TAFA5: variants seen among roughly 807,000 people sequenced by gnomAD.
TAFA5 encodes the protein TAFA chemokine like family member 5.
TAFA5 carries 6 observed loss-of-function variants against 15.3 expected under a neutral mutation model. That is an observed-to-expected ratio of 0.39 (90% confidence interval 0.21 to 0.77). The LOEUF is 0.77. Ranked by LOEUF, TAFA5 falls within the 30% of genes least tolerant of loss-of-function variation. The pLI is 0.41. For synonymous variants in TAFA5, 103 were observed against 80.7 expected (o/e 1.28, Z -1.48); for missense variants, 161 against 193.1 (o/e 0.83, Z 0.98).
chr22:48,737,517 C>G (rs1601708004), intron 3 of TAFA5, among the ~76,000 whole-genome samples: 2 of 152,274 alleles, frequency 1.3e-5, no homozygotes, highest in South Asian at 4.1e-4. Flanking sequence ...CTGATGCCAG[C>G]CGGGGTCTTC....
chr22:48,711,515 A>G (rs543557607), intron 3 of TAFA5, among the ~76,000 whole-genome samples: 1 of 152,182 alleles, frequency 6.6e-6, no homozygotes, highest in South Asian at 2.1e-4. Context: ...CTGTGTTCAA[A>G]GCTTTCTGAA....
chr22:48,495,733 C>T (rs1928302550), intron 1 of TAFA5, among the ~76,000 whole-genome samples: 1 of 152,226 alleles, frequency 6.6e-6, no homozygotes, highest in South Asian at 2.1e-4. Flanking sequence ...TCAGTGGCTT[C>T]TCCGCCTCCA....
intron 1 of TAFA5, among the ~76,000 whole-genome samples, chr22:48,504,725 G>A (rs1601837854): frequency 6.6e-6 from 1 of 152,228 alleles, no homozygotes; most frequent in Non-Finnish European, 1.5e-5. Flanking sequence ...CAGAAAATGA[G>A]TCAAGGTTGT....
chr22:48,634,109 T>TTCACTCAC (rs575047019), intron 1 of TAFA5, among the ~76,000 whole-genome samples: 4 of 104,294 alleles, frequency 3.8e-5, no homozygotes, highest in African/African-American at 1.6e-4. Context: ...TTCCTTGACG[T>TTCACTCAC]TCACTCACTC....
intron 1 of TAFA5, among the ~76,000 whole-genome samples, chr22:48,594,952 A>G (rs1196584312): frequency 6.6e-6 from 1 of 151,122 alleles, no homozygotes; most frequent in East Asian, 2.0e-4. Context: ...TCGGCTGAGC[A>G]GGGTGCCTGT....
chr22:48,600,073 C>G (rs944572327), intron 1 of TAFA5, among the ~76,000 whole-genome samples: 3 of 152,180 alleles, frequency 2.0e-5, no homozygotes, highest in Non-Finnish European at 2.9e-5. Flanking sequence ...CCTTGAGATT[C>G]CAGTCAAAAT....
intron 1 of TAFA5, among the ~76,000 whole-genome samples, chr22:48,596,783 C>A (rs1474890087): frequency 6.6e-6 from 1 of 152,030 alleles, no homozygotes; most frequent in African/African-American, 2.4e-5. Flanking sequence ...TAGGGCTCCT[C>A]TGTGCTGGAT....
chr22:48,657,695 C>A (rs116767599), intron 2 of TAFA5, among the ~76,000 whole-genome samples: 36 of 152,320 alleles, frequency 2.4e-4, no homozygotes, highest in African/African-American at 8.4e-4. Context: ...ACAGTGACAT[C>A]CATGCCTGCA....
At chr22:48,595,430 T>A (rs1169716814) in intron 1 of TAFA5, among the ~76,000 whole-genome samples, 1 of 152,224 alleles carries the variant, frequency 6.6e-6, no homozygotes, top group Admixed American at 6.5e-5. Context: ...CGTTATCCTG[T>A]GGAAGAGGTC....
At chr22:48,536,498 T>C (rs1016976447) in intron 1 of TAFA5, among the ~76,000 whole-genome samples, 4 of 152,190 alleles carry the variant, frequency 2.6e-5, no homozygotes, top group African/African-American at 9.6e-5. Context: ...GGCTCAGGCG[T>C]GCGCCGTGGC....
chr22:48,607,874 A>G (rs1435985212), intron 1 of TAFA5, among the ~76,000 whole-genome samples: 5 of 152,038 alleles, frequency 3.3e-5, no homozygotes, highest in Non-Finnish European at 7.4e-5. Context: ...CCCTTTTCTG[A>G]CCACCCTGGG....
intron 2 of TAFA5, among the ~76,000 whole-genome samples, chr22:48,660,376 G>C (rs1927394276): frequency 6.6e-6 from 1 of 152,222 alleles, no homozygotes; most frequent in South Asian, 2.1e-4. Flanking sequence ...CACATCTCGA[G>C]TATGTTTGTG....
intron 1 of TAFA5, chr22:48,544,849 G>A: frequency 2.1e-6 from 1 of 471,246 alleles, no homozygotes; most frequent in Non-Finnish European, 4.4e-6. Flanking sequence ...TCTGAGGTGA[G>A]AGAGCCCTGA....
At chr22:48,716,862 C>G (rs2147257747) in intron 3 of TAFA5, among the ~76,000 whole-genome samples, 1 of 152,154 alleles carries the variant, frequency 6.6e-6, no homozygotes, top group East Asian at 1.9e-4. Flanking sequence ...AGACATAAAA[C>G]TGAGGCAATC....
intron 1 of TAFA5, chr22:48,543,462 C>G (rs1655493615): frequency 1.3e-5 from 2 of 152,210 alleles, no homozygotes; most frequent in African/African-American, 4.8e-5. Context: ...GAGAGCCTCC[C>G]TGCTGGTCTG....
intron 3 of TAFA5, among the ~76,000 whole-genome samples, chr22:48,734,744 C>A (rs1315403065): frequency 6.6e-6 from 1 of 152,234 alleles, no homozygotes; most frequent in East Asian, 1.9e-4. Flanking sequence ...GAAATGAACC[C>A]AGGTGTTCCT....
chr22:48,707,946 C>T, intron 3 of TAFA5, 102 bp downstream of exon 3: 1 of 1,464,238 alleles, frequency 6.8e-7, no homozygotes, highest in Non-Finnish European at 9.3e-7. Context: ...GGCAGCTGCT[C>T]ACTCCATCCT....
chr22:48,623,313 C>T lies in TAFA5; in HGVS notation c.113-23284C>T, dbSNP rs564875164. 8.9e-5 allele frequency among the ~76,000 whole-genome samples: 10 copies of T among 112,460 alleles called. 2 individuals carry two copies. The highest frequency in any genetic ancestry group is 1.9e-4 in the Non-Finnish European group (10 of 53,190). The allele number at this position is 112,460 out of a possible 152,430, so 73.8% of individuals were successfully genotyped here. A position where few individuals can be genotyped will look rare whatever the true frequency, so the allele number is the denominator to read the frequency against. On this transcript the variant is annotated intron_variant, in intron 1 of 3. Coordinates refer to ENST00000402357, the MANE Select transcript of TAFA5 (RefSeq NM_001082967.3). ...TGGCCCTGCGCGGTGACCTGTGGGA[C>T]GGGACATGTCGCGTGGCCCTGCGTG...
At chr22:48,578,909 C>A (rs1223572110) in intron 1 of TAFA5, among the ~76,000 whole-genome samples, 1 of 152,232 alleles carries the variant, frequency 6.6e-6, no homozygotes, top group African/African-American at 2.4e-5. Flanking sequence ...GGCCTGGGGC[C>A]ACTCTCCTCC....
Sources: gnomAD v4.1 joint callset for allele counts (sites outside exome capture counted in the v4.1 genomes callset) on GRCh38, gnomAD v4.1.1 for gene constraint, MANE v1.5 for transcripts, NCBI Gene and HGNC (gene_info 2026-07-23, HGNC 2026-07-21) for gene names.